The following XRCC4 variants were observed in gnomAD, a reference collection of about 807,000 sequenced individuals.
XRCC4 encodes the protein X-ray repair cross complementing 4, also known as DNA repair protein XRCC4.
Under a neutral mutation model 39.1 loss-of-function variants are expected in XRCC4, and 28 were observed. That is an observed-to-expected ratio of 0.72 (90% CI 0.53 to 0.98). The LOEUF is 0.98. Among genes scored for constraint, XRCC4 ranks in the 50% least tolerant of loss-of-function variants. The pLI is 0.00. For missense variants in XRCC4, 350 were observed against 376.4 expected (o/e 0.93, Z 0.58); for synonymous variants, 123 against 126.4 (o/e 0.97, Z 0.18).
chr5:83,156,158 T>C (rs1476187546), intron 3 of XRCC4, among the ~76,000 whole-genome samples: 1 of 152,142 alleles, frequency 6.6e-6, no homozygotes, highest in Non-Finnish European at 1.5e-5. Context: ...TATGAATATG[T>C]GTTTGGTAAC....
intron 7 of XRCC4, among the ~76,000 whole-genome samples, chr5:83,278,159 G>C (rs1309913479): frequency 2.0e-5 from 3 of 152,112 alleles, no homozygotes; most frequent in Non-Finnish European, 4.4e-5. Flanking sequence ...CCCACCTAAT[G>C]ACTTCACTTT....
chr5:83,348,158 C>T (rs530193365), intron 7 of XRCC4, among the ~76,000 whole-genome samples: 83 of 152,236 alleles, frequency 5.5e-4, no homozygotes, highest in African/African-American at 1.8e-3. Context: ...AGATGCATGG[C>T]GCAAGCTGAT....
intron 1 of XRCC4, among the ~76,000 whole-genome samples, chr5:83,085,242 A>G (rs1207741785): frequency 6.6e-6 from 1 of 152,198 alleles, no homozygotes; most frequent in Admixed American, 6.5e-5. Flanking sequence ...AGATGCAGCC[A>G]TTGTTGAAAC....
intron 7 of XRCC4, among the ~76,000 whole-genome samples, chr5:83,274,872 T>A (rs1456666402): frequency 1.3e-5 from 2 of 152,136 alleles, no homozygotes; most frequent in Non-Finnish European, 2.9e-5. Flanking sequence ...AATGGTAAAT[T>A]TTAAGGGCAA....
At chr5:83,288,638 ATGTCCACT>A (rs1232754573) in intron 7 of XRCC4, among the ~76,000 whole-genome samples, 1 of 151,724 alleles carries the variant, frequency 6.6e-6, no homozygotes, top group Non-Finnish European at 1.5e-5. Context: ...ATGGCTTCTG[ATGTCCACT>A]GTAAATCATA....
intron 7 of XRCC4, among the ~76,000 whole-genome samples, chr5:83,327,083 A>G (rs1012123997): frequency 6.6e-6 from 1 of 152,128 alleles, no homozygotes; most frequent in African/African-American, 2.4e-5. Context: ...TGTAATTAAC[A>G]TAAAGTAAAA....
At chr5:83,119,998 C>CAAAAAAA (rs367806953) in intron 3 of XRCC4, among the ~76,000 whole-genome samples, 1 of 62,072 alleles carries the variant, frequency 1.6e-5, no homozygotes, top group Non-Finnish European at 3.3e-5. Flanking sequence ...CCTTGTCTCA[C>CAAAAAAA]AAAAAAAAAA....
At chr5:83,328,174 A>G (rs1756326278) in intron 7 of XRCC4, among the ~76,000 whole-genome samples, 1 of 152,096 alleles carries the variant, frequency 6.6e-6, no homozygotes, top group Non-Finnish European at 1.5e-5. Context: ...TAAACCCATC[A>G]GATCTTGTGA....
Position 83,278,714 on chromosome 5 carries a change from A to G in XRCC4, c.893+20037A>G, listed in dbSNP as rs914579078. 2.6e-5 allele frequency among the ~76,000 whole-genome samples: 4 copies of G among 152,098 alleles called. No individual in the cohort carries two copies. The East Asian group carries it at 5.8e-4, about 22-fold the overall frequency. The stretch of plus-strand genomic sequence containing the variant: ...AAATAATCAGTTTGAGGCCAGGCGC[A>G]GTGGCTCATACCTGTAATCCTAGCA... On this transcript the variant is annotated intron_variant, in intron 7 of 7. Coordinates refer to ENST00000396027, the MANE Select transcript of XRCC4 (RefSeq NM_003401.5).
At chr5:83,280,888 A>C (rs1330150961) in intron 7 of XRCC4, among the ~76,000 whole-genome samples, 1 of 152,092 alleles carries the variant, frequency 6.6e-6, no homozygotes, top group East Asian at 1.9e-4. Flanking sequence ...TGGTCACTGT[A>C]TTTGCCCACT....
chr5:83,320,101 G>A (rs1442412922), intron 7 of XRCC4, among the ~76,000 whole-genome samples: 14 of 143,968 alleles, frequency 9.7e-5, no homozygotes, highest in South Asian at 2.3e-4. Context: ...GTAAACTATC[G>A]CAAGAACAAA....
At chr5:83,212,212 G>A (rs751709090) in intron 6 of XRCC4, among the ~76,000 whole-genome samples, 2 of 151,896 alleles carry the variant, frequency 1.3e-5, no homozygotes, top group Admixed American at 6.6e-5. Flanking sequence ...AGGAGAGTAC[G>A]ATATAAATGT....
chr5:83,188,640 A>G (rs1750559213), intron 3 of XRCC4, among the ~76,000 whole-genome samples: 1 of 152,168 alleles, frequency 6.6e-6, no homozygotes, highest in South Asian at 2.1e-4. Context: ...ATGATGGAGA[A>G]CTGGCATGTC....
chr5:83,112,389 A>G (rs962473429), intron 3 of XRCC4, among the ~76,000 whole-genome samples: 6 of 152,224 alleles, frequency 3.9e-5, no homozygotes, highest in African/African-American at 1.4e-4. Context: ...TTTCCCATTC[A>G]CTAAACATTT....
intron 6 of XRCC4, among the ~76,000 whole-genome samples, chr5:83,229,623 C>T (rs1439285705): frequency 6.8e-6 from 1 of 147,280 alleles, no homozygotes; most frequent in East Asian, 2.0e-4. Flanking sequence ...ATGCTCATTC[C>T]ATTAAAACTT....
chr5:83,097,159 G>A lies in XRCC4; in HGVS notation c.-10-7751G>A, dbSNP rs117620119. 6.5e-4 allele frequency among the ~76,000 whole-genome samples: 99 copies of A among 152,270 alleles called. 1 individual carries two copies. The East Asian group carries it at 0.011, about 17-fold the overall frequency. Reference sequence around the variant, plus strand: ...AAATGACAGACTGAGAAATTGAAGCGTGGGAAATAAATATGTAATTACTCA... The same window carrying A: ...AAATGACAGACTGAGAAATTGAAGCATGGGAAATAAATATGTAATTACTCA... On this transcript the variant is annotated intron_variant, in intron 1 of 7. Coordinates refer to ENST00000396027, the MANE Select transcript of XRCC4 (RefSeq NM_003401.5).
chr5:83,252,912 G>C (rs1330701212), intron 6 of XRCC4, among the ~76,000 whole-genome samples: 1 of 152,162 alleles, frequency 6.6e-6, no homozygotes, highest in African/African-American at 2.4e-5. Context: ...TTAGCACAAG[G>C]CATGGGTTCC....
chr5:83,326,885 C>G (rs529497930), intron 7 of XRCC4, among the ~76,000 whole-genome samples: 1 of 152,040 alleles, frequency 6.6e-6, no homozygotes, highest in Admixed American at 6.6e-5. Context: ...ATTGCTGTTC[C>G]GTGAATATAT....
At chr5:83,096,480 G>T (rs115540801) in intron 1 of XRCC4, among the ~76,000 whole-genome samples, 1 of 152,104 alleles carries the variant, frequency 6.6e-6, no homozygotes, top group Non-Finnish European at 1.5e-5. Flanking sequence ...AAGCCAAGCC[G>T]TTTGGGGAAC....
Sources: allele counts gnomAD v4.1 joint callset (sites outside exome capture counted in the v4.1 genomes callset), GRCh38; gene constraint gnomAD v4.1.1; transcripts MANE v1.5; gene names NCBI Gene and HGNC (gene_info 2026-07-23, HGNC 2026-07-21).